The following TOPORS variants were observed in gnomAD, a reference collection of about 807,000 sequenced individuals.
The protein encoded by TOPORS is TOP1 binding arginine/serine rich protein, E3 ubiquitin ligase, also known as E3 ubiquitin-protein ligase Topors.
In TOPORS, 25 loss-of-function variants were observed where a neutral mutation model predicts 81.4. That is an observed-to-expected ratio of 0.31 (90% CI 0.22 to 0.43). TOPORS has a LOEUF of 0.43. Ranked by LOEUF, TOPORS falls within the 20% of genes least tolerant of loss-of-function variation. TOPORS has a pLI of 1.00. For synonymous variants in TOPORS, 473 were observed against 456.6 expected, an observed-to-expected ratio of 1.04 and a Z score of -0.46; for missense variants, 1,101 against 1,267.0, an observed-to-expected ratio of 0.87 and a Z score of 1.99.
chr9:32,547,455 C>T (rs894698270), intron 2 of TOPORS, among the ~76,000 whole-genome samples: 3 of 152,150 alleles, frequency 2.0e-5, no homozygotes, highest in Non-Finnish European at 2.9e-5. Context: ...CTCAAATACC[C>T]ATCAATTGAT....
intron 2 of TOPORS, among the ~76,000 whole-genome samples, chr9:32,549,231 T>C (rs543004629): frequency 3.9e-5 from 6 of 152,122 alleles, no homozygotes; most frequent in East Asian, 1.9e-4. Context: ...GGCGTGAACC[T>C]GGCAGGCGGA....
At chr9:32,551,127 C>G in intron 1 of TOPORS, 159 bp from the exon 2 acceptor site, 3 of 880,122 alleles carry the variant, frequency 3.4e-6, no homozygotes, top group Non-Finnish European at 3.5e-6. Context: ...GCGCACCGGC[C>G]CAAATGCGGC....
rs753982681 is a variant in TOPORS, at chr9:32,550,758, T to C, written c.198+16A>G. ...CCTTCCGACCCCCGCGTCCCATTGT[T>C]CCGAATCTCACTCACCTCGGAGGAT... On this transcript the variant is annotated intron_variant, in intron 2 of 2. Coordinates refer to ENST00000360538, the MANE Select transcript of TOPORS (RefSeq NM_005802.5). The C allele has an allele frequency of 1.9e-6, 3 of 1,612,640 alleles. No individual in the cohort carries two copies. In the South Asian group the frequency reaches 3.3e-5, roughly 18 times the overall value.
In TOPORS at chr9:32,552,491, G is replaced by T; in HGVS notation, c.-55C>A. ...GGATTTATTCAGTGGTAAGTCCCGG[G>T]GATCGCGGGCCCCCACCGTGTCGAC... On this transcript the variant is annotated 5_prime_UTR_variant, in exon 1 of 3. Coordinates refer to ENST00000360538, the MANE Select transcript of TOPORS (RefSeq NM_005802.5). 6.3e-7 allele frequency: 1 copy of T among 1,581,676 alleles called. No homozygotes were observed. Among genetic ancestry groups the T allele is most frequent in the East Asian group, 2.3e-5 (1 of 43,596 alleles).
rs1821122440 is a variant in TOPORS, at chr9:32,544,973, G to A, written c.199-647C>T. 2.0e-5 allele frequency among the ~76,000 whole-genome samples: 3 copies of A among 152,260 alleles called. No individual in the cohort carries two copies. In the South Asian group the frequency reaches 6.2e-4, roughly 32 times the overall value. ...TATGTACTTTTCTAAAACAACTTTG[G>A]TGACATAACTTACATACCAGAAAGT... On this transcript the variant is annotated intron_variant, in intron 2 of 2. Transcript: ENST00000360538.
At position 32,541,541 on chromosome 9, in the gene TOPORS, G is replaced by T. The variant is rs779433014; in HGVS notation, c.2984C>A (p.Thr995Asn). The change falls in exon 3 of 3, where the codon ACT becomes AAT. Residue 995 changes from threonine to asparagine, a missense_variant. Thr to Asn is a moderately conservative substitution (Grantham distance 65, BLOSUM62 0). Around this residue, in one of 9 missense-constraint regions of TOPORS, gnomAD observed 605 missense variants for 636.1 expected, o/e 0.95. Coordinates refer to ENST00000360538, the MANE Select transcript of TOPORS (RefSeq NM_005802.5). ...IPPLAASVEQTLDVREESTFV... is the reference protein window; with the variant it reads ...IPPLAASVEQNLDVREESTFV... ...GGTGCTCTCTTCTCTTACATCGAGAGTTTGTTCAACTGAAGCTGCCAGAGG... is the reference window on the plus strand; with the variant it reads ...GGTGCTCTCTTCTCTTACATCGAGATTTTGTTCAACTGAAGCTGCCAGAGG... 4.3e-6 allele frequency: 7 copies of T among 1,614,214 alleles called. No homozygotes were observed. Among genetic ancestry groups the T allele is most frequent in the Non-Finnish European group, 5.9e-6 (7 of 1,180,028 alleles).
chr9:32,541,368 A>G lies in TOPORS; in HGVS notation c.*19T>C, dbSNP rs529705102. 4 of 1,613,236 alleles carry G rather than the reference A, an allele frequency of 2.5e-6. No homozygotes were observed. The highest frequency in any genetic ancestry group is 3.4e-6 in the Non-Finnish European group (4 of 1,179,276). ...CCTTTTTATAACATCATAATTCTCA[A>G]TGAAATGCTTTGGCAGTTTTAAGAC... is the stretch of plus-strand genomic sequence containing the variant. On this transcript the variant is annotated 3_prime_UTR_variant, in exon 3 of 3. Coordinates refer to ENST00000360538, the MANE Select transcript of TOPORS (RefSeq NM_005802.5).
chr9:32,540,792 G>A lies in TOPORS; in HGVS notation c.*595C>T, dbSNP rs1821044836. ...CTGATTCTTGTTTTAAAGTGTTACT[G>A]TTTTATTTTTTTTCTTTTGTTGAAT... On this transcript the variant is annotated 3_prime_UTR_variant, in exon 3 of 3. Transcript: ENST00000360538. 1 of 152,352 alleles carries A rather than the reference G, an allele frequency of 6.6e-6. No individual in the cohort carries two copies. Among genetic ancestry groups the A allele is most frequent in the Non-Finnish European group, 1.5e-5 (1 of 67,988 alleles). 9.4% of individuals were successfully genotyped at this position (152,352 alleles called of 1,614,324 possible). A position where few individuals can be genotyped will look rare whatever the true frequency, so the allele number is the denominator to read the frequency against.
In TOPORS at chr9:32,541,362, T is replaced by C; in HGVS notation, c.*25A>G. 6.2e-7 allele frequency: 1 copy of C among 1,611,958 alleles called. No homozygotes were observed. The highest frequency in any genetic ancestry group is 8.5e-7 in the Non-Finnish European group (1 of 1,178,184). On this transcript the variant is annotated 3_prime_UTR_variant, in exon 3 of 3. Transcript: ENST00000360538. ...CTTTTTCCTTTTTATAACATCATAA[T>C]TCTCAATGAAATGCTTTGGCAGTTT...
chr9:32,544,802 T>A (rs980046773), intron 2 of TOPORS, among the ~76,000 whole-genome samples: 1 of 152,062 alleles, frequency 6.6e-6, no homozygotes, highest in African/African-American at 2.4e-5. Flanking sequence ...GTTATGCCCC[T>A]TATCTTCCCC....
At chr9:32,547,525 G>T (rs1225461616) in intron 2 of TOPORS, among the ~76,000 whole-genome samples, 1 of 151,904 alleles carries the variant, frequency 6.6e-6, no homozygotes, top group Non-Finnish European at 1.5e-5. Flanking sequence ...CAATAAAAAG[G>T]AACAAAGTAC....
At chr9:32,547,970 G>A (rs1369583290) in intron 2 of TOPORS, among the ~76,000 whole-genome samples, 10 of 148,694 alleles carry the variant, frequency 6.7e-5, no homozygotes, top group African/African-American at 2.5e-4. Context: ...TAGTAGCTGG[G>A]ATTACAGGCG....
At chr9:32,551,043 G>A (rs1218919663) in intron 1 of TOPORS, 75 bp from the exon 2 acceptor site, 10 of 1,535,610 alleles carry the variant, frequency 6.5e-6, no homozygotes, top group East Asian at 4.6e-5. Flanking sequence ...CCCAGCTCCC[G>A]CGCATCAAAA....
intron 2 of TOPORS, among the ~76,000 whole-genome samples, chr9:32,545,601 G>C (rs555549508): frequency 6.6e-6 from 1 of 151,550 alleles, no homozygotes; most frequent in Admixed American, 6.6e-5. Flanking sequence ...TCTCTACTAA[G>C]AATACAAAAA....
Position 32,541,351 on chromosome 9 carries a change from T to G in TOPORS, c.*36A>C. 1 of 1,608,546 alleles carries G rather than the reference T, an allele frequency of 6.2e-7. No individual in the cohort carries two copies. The highest frequency in any genetic ancestry group is 8.5e-7 in the Non-Finnish European group (1 of 1,175,528). ...CGACATTCTTCCTTTTTCCTTTTTA[T>G]AACATCATAATTCTCAATGAAATGC... On this transcript the variant is annotated 3_prime_UTR_variant, in exon 3 of 3. Transcript: ENST00000360538.
chr9:32,543,311 T>C lies in TOPORS; in HGVS notation c.1214A>G (p.Asp405Gly), dbSNP rs768103328. The C allele has an allele frequency of 1.1e-5, 18 of 1,614,118 alleles. No individual in the cohort carries two copies. The highest frequency in any genetic ancestry group is 1.0e-5 in the Non-Finnish European group (12 of 1,180,026). The change falls in exon 3 of 3, where the codon GAT becomes GGT. Residue 405 changes from aspartate to glycine, a missense_variant. This residue lies in a region of TOPORS where 103 missense variants were observed against 112.1 expected (regional missense o/e 0.92). Transcript: ENST00000360538. The surrounding 1 kb of genome is among the most constrained non-coding windows in gnomAD (Gnocchi z 5.6). ...CTGACTAACAGTGGCTACATTAATA[T>C]CCAGCTCTTGGGTCTCAGCCTCATC... ...SPDEAETQEL[D>G]INVATVSQAP...
At chr9:32,548,185 AAATT>A (rs1821167202) in intron 2 of TOPORS, among the ~76,000 whole-genome samples, 1 of 151,366 alleles carries the variant, frequency 6.6e-6, no homozygotes, top group African/African-American at 2.4e-5. Flanking sequence ...TTAAAAATAC[AAATT>A]AAGGCATAAA....
In TOPORS at chr9:32,542,156, T is replaced by C. The variant is rs752030562; in HGVS notation, c.2369A>G (p.Glu790Gly). 1.5e-5 allele frequency: 24 copies of C among 1,614,180 alleles called. No individual in the cohort carries two copies. In the East Asian group the frequency reaches 3.3e-4, roughly 22 times the overall value. Residue 790 changes from glutamate (E) to glycine (G), a missense_variant, in exon 3 of 3, where the codon GAA becomes GGA. By Grantham distance (98) the Glu-to-Gly change is moderately conservative. This residue lies in a region of TOPORS where 605 missense variants were observed against 636.1 expected (regional missense o/e 0.95). Transcript: ENST00000360538. ...GTATTTTCGTTTCCCTCCAGGCTTT[T>C]CATTTCTCACCCGGTCAGTCCCGGT... Reference protein sequence around the residue: ...ASTGTDRVRNEKPGGKRKYKT... With the variant: ...ASTGTDRVRNGKPGGKRKYKT...
intron 2 of TOPORS, among the ~76,000 whole-genome samples, chr9:32,544,926 C>A (rs1423248774): frequency 4.6e-5 from 7 of 152,196 alleles, no homozygotes. Flanking sequence ...ATACAGACTA[C>A]TGATTTATCT....
Sources: allele counts gnomAD v4.1 joint callset (sites outside exome capture counted in the v4.1 genomes callset), GRCh38; gene constraint gnomAD v4.1.1; regional missense constraint gnomAD v4.1.1; non-coding constraint Gnocchi (gnomAD v3.1); transcripts MANE v1.5; gene names NCBI Gene and HGNC (gene_info 2026-07-23, HGNC 2026-07-21).